AK9: variants seen among roughly 807,000 people sequenced by gnomAD.
The protein encoded by AK9 is adenylate kinase 9, also known as adenylate kinase domain containing 1.
AK9 carries 191 observed loss-of-function variants against 239.6 expected under a neutral mutation model. That is an observed-to-expected ratio of 0.80 (90% confidence interval 0.71 to 0.90). AK9 has a LOEUF of 0.90. Among genes scored for constraint, AK9 ranks in the 40% least tolerant of loss-of-function variants. The probability of loss-of-function intolerance (pLI) is 0.00; values close to 1 mark genes in which losing one functional copy is unlikely to be tolerated. For missense variants in AK9, 1,995 were observed against 2,214.7 expected (o/e 0.90, Z 1.99); for synonymous variants, 689 against 721.0 (o/e 0.96, Z 0.71).
chr6:109,572,211 A>G (rs1415003043), intron 21 of AK9, among the ~76,000 whole-genome samples: 1 of 152,210 alleles, frequency 6.6e-6, no homozygotes, highest in Non-Finnish European at 1.5e-5. Context: ...GTGGAAAGGC[A>G]GTATGGTAGA....
chr6:109,636,049 G>C (rs774861287), intron 10 of AK9, among the ~76,000 whole-genome samples: 3 of 152,112 alleles, frequency 2.0e-5, no homozygotes, highest in Admixed American at 6.5e-5. Flanking sequence ...TGAATAAAGG[G>C]CAGCAAGGTT....
chr6:109,573,352 A>G, intron 21 of AK9, 90 bp downstream of exon 21: 5 of 1,325,452 alleles, frequency 3.8e-6, no homozygotes, highest in Non-Finnish European at 4.9e-6. Flanking sequence ...GCCAGCTTCC[A>G]TTTTACCAAC....
intron 35 of AK9, among the ~76,000 whole-genome samples, chr6:109,501,336 T>C (rs1290356338): frequency 6.6e-6 from 1 of 152,124 alleles, no homozygotes; most frequent in African/African-American, 2.4e-5. Flanking sequence ...TGTCCCCTGA[T>C]ACCAACTACC....
intron 8 of AK9, among the ~76,000 whole-genome samples, chr6:109,647,394 A>G (rs1175333325): frequency 2.6e-5 from 4 of 152,224 alleles, no homozygotes; most frequent in Admixed American, 2.0e-4. Context: ...ATGGAGGAAG[A>G]TCTACCAAGA....
chr6:109,662,977 T>C (rs1044329126), intron 5 of AK9, among the ~76,000 whole-genome samples: 2 of 152,082 alleles, frequency 1.3e-5, no homozygotes, highest in African/African-American at 4.8e-5. Flanking sequence ...TAACTCATGT[T>C]AGGAAAGTTT....
intron 6 of AK9, chr6:109,661,078 T>C (rs1800356046): frequency 9.2e-6 from 3 of 324,844 alleles, no homozygotes; most frequent in South Asian, 8.7e-5. Flanking sequence ...GAGCTTCTGC[T>C]CTAGAAATTC....
rs1355225230 is a variant in AK9 at position 109,533,370 on chromosome 6, CTT to C, written c.3449_3450del (p.Gln1150ArgfsTer2). 6.2e-7 allele frequency: 1 copy of C among 1,610,980 alleles called. No homozygotes were observed. Among genetic ancestry groups the C allele is most frequent in the Non-Finnish European group, 8.5e-7 (1 of 1,178,696 alleles). ...GFFPDAAVFIQVDDQDIFDRL... is the reference protein window; with the variant it reads ...GFFPDAAVFIXVDDQDIFDRL... ...CGATCAAAAATATCTTGATCATCAA[CTT>C]GTATAAAAACAGCTGCATCTGGGAA... On this transcript the variant is annotated frameshift_variant, in exon 28 of 41. Transcript: ENST00000424296. LOFTEE classifies it high-confidence loss of function.
intron 8 of AK9, among the ~76,000 whole-genome samples, chr6:109,655,192 C>T (rs1583452111): frequency 6.6e-6 from 1 of 152,176 alleles, no homozygotes; most frequent in East Asian, 1.9e-4. Flanking sequence ...GAGTTCTTTA[C>T]CATATCCTTG....
chr6:109,654,195 T>C (rs950918517), intron 8 of AK9, among the ~76,000 whole-genome samples: 9 of 152,194 alleles, frequency 5.9e-5, no homozygotes, highest in African/African-American at 1.9e-4. Flanking sequence ...TCCAGTGTAT[T>C]TTGTTTTCAC....
chr6:109,611,898 C>G (rs1412360388), intron 16 of AK9, 112 bp downstream of exon 16: 3 of 755,072 alleles, frequency 4.0e-6, no homozygotes, highest in Non-Finnish European at 6.4e-6. Flanking sequence ...ATTAATCATG[C>G]TTTTATTTTT....
chr6:109,639,670 A>G (rs1038802682), intron 10 of AK9, among the ~76,000 whole-genome samples: 1 of 152,158 alleles, frequency 6.6e-6, no homozygotes, highest in African/African-American at 2.4e-5. Context: ...CTATTTGTCT[A>G]CTTTGGCTTT....
intron 12 of AK9, among the ~76,000 whole-genome samples, chr6:109,625,076 C>T (rs1795354695): frequency 6.6e-6 from 1 of 151,826 alleles, no homozygotes; most frequent in Non-Finnish European, 1.5e-5. Context: ...GATCTAGTTT[C>T]TGGATTCAAT....
At chr6:109,516,144 T>C (rs1053106312) in intron 30 of AK9, 69 bp from the exon 31 acceptor site, 5 of 1,285,290 alleles carry the variant, frequency 3.9e-6, no homozygotes, top group Admixed American at 2.1e-5. Flanking sequence ...AGTCACAGCA[T>C]GTAGACACTG....
At chr6:109,545,501 C>T (rs181465896) in intron 26 of AK9, among the ~76,000 whole-genome samples, 31 of 152,248 alleles carry the variant, frequency 2.0e-4, no homozygotes, top group East Asian at 3.9e-4. Context: ...GGTTTTATAA[C>T]GGGGAGTTTC....
At chr6:109,644,720 C>T (rs762114078) in intron 8 of AK9, 32 bp from the exon 9 acceptor site, 19 of 1,554,802 alleles carry the variant, frequency 1.2e-5, no homozygotes, top group Non-Finnish European at 1.7e-5. Flanking sequence ...CTTTATAATA[C>T]AGGATCACTA....
chr6:109,647,261 G>A (rs1798192470), intron 8 of AK9, among the ~76,000 whole-genome samples: 1 of 152,148 alleles, frequency 6.6e-6, no homozygotes, highest in Non-Finnish European at 1.5e-5. Context: ...ATGTAAATGG[G>A]CTAAATGCTC....
chr6:109,523,275 A>AT (rs150948556), intron 29 of AK9, among the ~76,000 whole-genome samples: 10 of 150,456 alleles, frequency 6.6e-5, no homozygotes, highest in East Asian at 1.9e-4. Flanking sequence ...TCCTAGGGAA[A>AT]TTTTTTTTTT....
In AK9 at chr6:109,511,928, G is replaced by A. The variant is rs544388869; in HGVS notation, c.4279+2296C>T. On this transcript the variant is annotated intron_variant, in intron 32 of 40. Transcript: ENST00000424296. ...GTGGGATCTTATTTTGCATGTCAACGTTCTGCTGTCTTTGGAAAATATCAT... is the reference window on the plus strand; with the variant it reads ...GTGGGATCTTATTTTGCATGTCAACATTCTGCTGTCTTTGGAAAATATCAT... Among the ~76,000 whole-genome samples, 22 of 152,160 alleles carry A rather than the reference G, an allele frequency of 1.4e-4. No individual in the cohort carries two copies. In the East Asian group the frequency reaches 4.0e-3, roughly 28 times the overall value.
intron 13 of AK9, among the ~76,000 whole-genome samples, chr6:109,616,114 C>T (rs961090683): frequency 1.3e-5 from 2 of 151,838 alleles, no homozygotes; most frequent in African/African-American, 4.8e-5. Context: ...ACATTAATTG[C>T]TTACCTACAT....
Sources: gnomAD v4.1 joint callset for allele counts (sites outside exome capture counted in the v4.1 genomes callset) on GRCh38, gnomAD v4.1.1 for gene constraint, MANE v1.5 for transcripts, NCBI Gene and HGNC (gene_info 2026-07-23, HGNC 2026-07-21) for gene names.